Variants in USP54 observed in about 807,000 individuals in gnomAD.
USP54 encodes ubiquitin carboxyl-terminal hydrolase 54.
A neutral mutation model predicts 170.5 loss-of-function variants in USP54; 87 were observed. The ratio of observed to expected loss-of-function variants is 0.51; its 90% confidence interval spans 0.43 to 0.61. The LOEUF is 0.61. Among genes scored for constraint, USP54 ranks in the 20% least tolerant of loss-of-function variants. The pLI is 0.00. For synonymous variants in USP54, 655 were observed against 742.8 expected (o/e 0.88, Z 1.92); for missense variants, 1,786 against 2,047.8 (o/e 0.87, Z 2.47).
intron 3 of USP54, 48 bp from the exon 4 acceptor site, chr10:73,571,561 T>A: frequency 6.7e-7 from 1 of 1,496,690 alleles, no homozygotes; most frequent in Non-Finnish European, 9.3e-7. Context: ...AAGCTACCAT[T>A]TAATTTTAAA....
chr10:73,542,673 G>C (rs2066881109), intron 7 of USP54, 130 bp downstream of exon 7: 1 of 853,752 alleles, frequency 1.2e-6, no homozygotes, highest in African/African-American at 1.7e-5. Flanking sequence ...GGAGGTTGCA[G>C]TAAGCCGAGA....
intron 5 of USP54, among the ~76,000 whole-genome samples, chr10:73,544,944 C>A (rs2067432281): frequency 2.6e-5 from 4 of 151,974 alleles, no homozygotes; most frequent in Non-Finnish European, 1.5e-5. Context: ...GAACTCCTGA[C>A]CTTGTGATCT....
In USP54 at chr10:73,517,268, A is replaced by T. The variant is rs149489585; in HGVS notation, c.3158T>A (p.Leu1053Gln). Residue 1053 changes from leucine (L) to glutamine (Q), a missense_variant, in exon 20 of 24, where the codon CTA (leucine) becomes CAA (glutamine). Around this residue, in one of 3 missense-constraint regions of USP54, gnomAD observed 1,418 missense variants for 1,569.0 expected, o/e 0.90. Transcript: ENST00000687698. The part of the protein sequence containing the change: ...ATSERGDEHS[L>Q]GCSPSNSSAQ... ...TGATGAATTTGAAGGACTACAGCCT[A>T]GGCTGTGTTCATCACCCCTCTCAGA... 1 of 1,613,966 alleles carries T rather than the reference A, an allele frequency of 6.2e-7. No individual in the cohort carries two copies. The highest frequency in any genetic ancestry group is 8.5e-7 in the Non-Finnish European group (1 of 1,179,860).
intron 1 of USP54, among the ~76,000 whole-genome samples, chr10:73,614,574 A>AG (rs1367078671): frequency 6.7e-6 from 1 of 149,262 alleles, no homozygotes; most frequent in Non-Finnish European, 1.5e-5. Flanking sequence ...AAAAAAAAAA[A>AG]AAAAAAAAGG....
intron 4 of USP54, among the ~76,000 whole-genome samples, chr10:73,551,394 C>T (rs552552404): frequency 1.3e-5 from 2 of 152,322 alleles, no homozygotes; most frequent in South Asian, 4.1e-4. Context: ...GGCAGGCCTT[C>T]CATAATTTGT....
chr10:73,608,219 C>T (rs1470874384), intron 1 of USP54, among the ~76,000 whole-genome samples: 2 of 151,910 alleles, frequency 1.3e-5, no homozygotes, highest in Non-Finnish European at 2.9e-5. Context: ...GAGTTCATGA[C>T]ACCGCACTCC....
chr10:73,575,148 C>T (rs944454649), intron 3 of USP54, among the ~76,000 whole-genome samples: 18 of 152,102 alleles, frequency 1.2e-4, no homozygotes, highest in African/African-American at 4.3e-4. Context: ...TCACTTGAAC[C>T]TGGGAGGCGG....
At chr10:73,569,855 C>CCCAGGAGT (rs1418856681) in intron 4 of USP54, among the ~76,000 whole-genome samples, 1 of 130,724 alleles carries the variant, frequency 7.6e-6, no homozygotes, top group Non-Finnish European at 1.6e-5. Context: ...TACTCTTGAG[C>CCCAGGAGT]CCAGGAGTTC....
intron 4 of USP54, among the ~76,000 whole-genome samples, chr10:73,557,466 G>A (rs1393637166): frequency 1.3e-5 from 2 of 151,098 alleles, no homozygotes; most frequent in East Asian, 3.9e-4. Flanking sequence ...GACTATAGGT[G>A]CCGCCCACCA....
chr10:73,563,918 T>A (rs909993381), intron 4 of USP54, among the ~76,000 whole-genome samples: 3 of 151,966 alleles, frequency 2.0e-5, no homozygotes, highest in African/African-American at 7.3e-5. Flanking sequence ...ATTTCCTAAC[T>A]TTTTTTTCAT....
intron 1 of USP54, among the ~76,000 whole-genome samples, chr10:73,587,277 T>C (rs2077606307): frequency 6.6e-6 from 1 of 151,720 alleles, no homozygotes; most frequent in South Asian, 2.1e-4. Context: ...ATCGAGACCA[T>C]CCTGGCTAAC....
chr10:73,536,475 C>G (rs1442531089), intron 10 of USP54, 38 bp from the exon 11 acceptor site: 1 of 1,489,376 alleles, frequency 6.7e-7, no homozygotes, highest in Non-Finnish European at 8.9e-7. Flanking sequence ...GACAATTATA[C>G]TTTATACCCA....
chr10:73,545,480 G>C (rs2067589544), intron 5 of USP54, 58 bp downstream of exon 5: 4 of 1,598,792 alleles, frequency 2.5e-6, no homozygotes, highest in Non-Finnish European at 2.6e-6. Context: ...GCCAGTCCCT[G>C]ATGGAGACCA....
chr10:73,552,306 G>C (rs12251843), intron 4 of USP54, among the ~76,000 whole-genome samples: 1 of 151,662 alleles, frequency 6.6e-6, no homozygotes, highest in Non-Finnish European at 1.5e-5. Context: ...CCAGCTACTC[G>C]GGAGGCTGAC....
In USP54 at chr10:73,541,836, T is replaced by C. The variant is rs1053740063; in HGVS notation, c.573-98A>G. 3 of 1,219,004 alleles carry C rather than the reference T, an allele frequency of 2.5e-6. No individual in the cohort carries two copies. In the African/African-American group the frequency reaches 4.5e-5, roughly 18 times the overall value. The allele number at this position is 1,219,004 out of a possible 1,614,324, so 75.5% of individuals were successfully genotyped here. On this transcript the variant is annotated intron_variant, in intron 7 of 23. Transcript: ENST00000687698. ...TCCTAACTCACACATTTGACTTTCT[T>C]CCTCTGCCCCCTATACCAAAGCCCC... is the stretch of plus-strand genomic sequence containing the variant.
At position 73,611,783 on chromosome 10, in the gene USP54, G is replaced by A. The variant is rs539527093; in HGVS notation, c.-18+13784C>T. 2.8e-3 allele frequency among the ~76,000 whole-genome samples: 425 copies of A among 150,136 alleles called. 1 individual carries two copies. The highest frequency in any genetic ancestry group is 0.018 in the Middle Eastern group (5 of 274). On this transcript the variant is annotated intron_variant, in intron 1 of 22. Coordinates refer to the USP54 transcript ENST00000339859. ...CTGCACTCCGTCTGGGCAACAGAGC[G>A]GGACTCCATCTCAAAAAAATAGTAA...
chr10:73,541,267 T>G (rs767309039), intron 9 of USP54, 108 bp downstream of exon 9: 1 of 1,487,918 alleles, frequency 6.7e-7, no homozygotes, highest in Non-Finnish European at 9.1e-7. Context: ...TCCAAAACAT[T>G]ATAATACTTG....
In USP54 at chr10:73,530,155, A is replaced by G; in HGVS notation, c.1816T>C (p.Ser606Pro). The change falls in exon 14 of 24, where the codon TCT (serine) becomes CCT (proline). Residue 606 changes from serine (S) to proline (P), a missense_variant. This residue lies in a region of USP54 where 1,418 missense variants were observed against 1,569.0 expected (regional missense o/e 0.90). Transcript: ENST00000687698. The stretch of plus-strand genomic sequence containing the variant: ...ATTATCTCCTCACCTGAATCCTCAG[A>G]AAAGGGGCTAAGCTGGGTATAGCCA... The part of the protein sequence containing the change: ...HCGYTQLSPF[S>P]EDSAKEFIPD... 6.2e-7 allele frequency: 1 copy of G among 1,610,942 alleles called. No homozygotes were observed. The highest frequency in any genetic ancestry group is 8.5e-7 in the Non-Finnish European group (1 of 1,178,506).
chr10:73,541,866 C>A, intron 7 of USP54, 128 bp from the exon 8 acceptor site: 1 of 846,550 alleles, frequency 1.2e-6, no homozygotes, highest in Non-Finnish European at 1.9e-6. Context: ...AGCCCCTGAC[C>A]AGGCTCAGTG....
Sources: allele counts gnomAD v4.1 joint callset (sites outside exome capture counted in the v4.1 genomes callset), GRCh38; gene constraint gnomAD v4.1.1; regional missense constraint gnomAD v4.1.1; transcripts MANE v1.5; gene names NCBI Gene and HGNC (gene_info 2026-07-23, HGNC 2026-07-21).